The following TEX2 variants were observed in gnomAD, a reference collection of about 807,000 sequenced individuals.
TEX2 encodes the protein testis-expressed protein 2.
A neutral mutation model predicts 106.9 loss-of-function variants in TEX2; 53 were observed. That is an observed-to-expected ratio of 0.50 (90% CI 0.40 to 0.62). The LOEUF is 0.62. Ranked by LOEUF, TEX2 falls within the 20% of genes least tolerant of loss-of-function variation. The probability of loss-of-function intolerance (pLI) is 0.00; values close to 1 mark genes in which losing one functional copy is unlikely to be tolerated. For synonymous variants in TEX2, 523 were observed against 534.8 expected (o/e 0.98, Z 0.30); for missense variants, 1,207 against 1,379.0 (o/e 0.88, Z 1.98).
At chr17:64,221,941 A>T (rs2033369273) in intron 1 of TEX2, among the ~76,000 whole-genome samples, 1 of 152,238 alleles carries the variant, frequency 6.6e-6, no homozygotes. Context: ...GTATGATTCC[A>T]CTTACAAGAG....
rs528014758 is a variant in TEX2 at position 64,214,204 on chromosome 17, T to C, written c.14A>G (p.Tyr5Cys). Residue 5 changes from tyrosine (Y) to cysteine (C), a missense_variant, in exon 2 of 12, where the codon TAT (tyrosine) becomes TGT (cysteine). Around this residue, in one of 3 missense-constraint regions of TEX2, gnomAD observed 1,067 missense variants for 1,193.6 expected, o/e 0.89. Transcript: ENST00000584379. ...AGTGGTTTTCTCGGCATGGCGACCA[T>C]ACAGACTTGTCATTGCCGGCTTCAC... MTSL[Y>C]GRHAEKTTDM... 6.2e-7 allele frequency: 1 copy of C among 1,612,794 alleles called. No homozygotes were observed. Among genetic ancestry groups the C allele is most frequent in the African/African-American group, 1.3e-5 (1 of 75,032 alleles).
intron 11 of TEX2, 104 bp from the exon 12 acceptor site, chr17:64,149,195 A>T (rs1659130308): frequency 7.7e-7 from 1 of 1,300,908 alleles, no homozygotes; most frequent in African/African-American, 1.5e-5. Context: ...TTTTAAAAGT[A>T]CATATAAAAA....
chr17:64,177,884 C>T (rs2031678068), intron 5 of TEX2, among the ~76,000 whole-genome samples: 1 of 152,182 alleles, frequency 6.6e-6, no homozygotes, highest in Admixed American at 6.5e-5. Flanking sequence ...CGGGCAGACG[C>T]CACAGTTCCC....
chr17:64,247,440 C>T (rs1481157309), intron 1 of TEX2, among the ~76,000 whole-genome samples: 1 of 152,130 alleles, frequency 6.6e-6, no homozygotes, highest in African/African-American at 2.4e-5. Context: ...TATCCTGGCA[C>T]AGGACACCTG....
intron 1 of TEX2, among the ~76,000 whole-genome samples, chr17:64,229,425 T>G (rs1230772115): frequency 6.6e-6 from 1 of 152,248 alleles, no homozygotes; most frequent in Non-Finnish European, 1.5e-5. Flanking sequence ...TTATCAAGGA[T>G]AGTTAATACT....
intron 1 of TEX2, among the ~76,000 whole-genome samples, chr17:64,240,233 A>ATGTGTGTGTGTG (rs67965706): frequency 9.3e-4 from 137 of 147,414 alleles, no homozygotes; most frequent in African/African-American, 3.3e-3. Context: ...GTATATGCAG[A>ATGTGTGTGTGTG]TGTGTGTGTG....
chr17:64,186,115 G>T (rs1326624223), intron 5 of TEX2, among the ~76,000 whole-genome samples: 1 of 152,166 alleles, frequency 6.6e-6, no homozygotes, highest in Non-Finnish European at 1.5e-5. Context: ...AATCAGGTTT[G>T]TTTTTTAATT....
intron 8 of TEX2, among the ~76,000 whole-genome samples, chr17:64,160,592 G>A (rs553560376): frequency 4.2e-4 from 64 of 152,218 alleles, no homozygotes; most frequent in African/African-American, 1.5e-3. Context: ...GGTCAAAGGC[G>A]CTGTCACAGC....
At chr17:64,188,850 C>G (rs1240135558) in intron 4 of TEX2, among the ~76,000 whole-genome samples, 2 of 152,036 alleles carry the variant, frequency 1.3e-5, no homozygotes, top group Non-Finnish European at 2.9e-5. Flanking sequence ...AGTTTATTTC[C>G]CACCCTGAAA....
intron 1 of TEX2, among the ~76,000 whole-genome samples, chr17:64,244,579 C>T (rs2033952675): frequency 6.6e-6 from 1 of 152,192 alleles, no homozygotes; most frequent in Non-Finnish European, 1.5e-5. Flanking sequence ...TCCACAGAAA[C>T]TTTCCTCCCA....
Position 64,181,308 on chromosome 17 carries a change from T to C in TEX2, c.2425-3837A>G, listed in dbSNP as rs180895103. On this transcript the variant is annotated intron_variant, in intron 5 of 11. Transcript: ENST00000584379. Reference sequence around the variant, plus strand: ...TTGGCCAACATGGTGAAGTCCCGTCTCTACCAAAAATACAAAAATTAGCTG... The same window carrying C: ...TTGGCCAACATGGTGAAGTCCCGTCCCTACCAAAAATACAAAAATTAGCTG... Among the ~76,000 whole-genome samples, 18 of 151,830 alleles carry C rather than the reference T, an allele frequency of 1.2e-4. No individual in the cohort carries two copies. The East Asian group carries it at 3.1e-3, about 26-fold the overall frequency.
intron 2 of TEX2, among the ~76,000 whole-genome samples, chr17:64,202,422 C>T (rs1325981368): frequency 6.6e-6 from 1 of 152,226 alleles, no homozygotes; most frequent in African/African-American, 2.4e-5. Flanking sequence ...GACCTGAAAC[C>T]AGGTTGCTCT....
At chr17:64,247,495 T>C (rs1428894079) in intron 1 of TEX2, among the ~76,000 whole-genome samples, 2 of 151,686 alleles carry the variant, frequency 1.3e-5, no homozygotes, top group African/African-American at 2.4e-5. Flanking sequence ...AAAGGTCTTC[T>C]AGGATTTGAG....
At chr17:64,164,064 C>G (rs1016610002) in intron 7 of TEX2, among the ~76,000 whole-genome samples, 1 of 152,068 alleles carries the variant, frequency 6.6e-6, no homozygotes, top group Non-Finnish European at 1.5e-5. Context: ...GGCACGCATA[C>G]GAAGGGTCTA....
chr17:64,198,806 A>G (rs1201327140), intron 2 of TEX2, among the ~76,000 whole-genome samples: 1 of 152,232 alleles, frequency 6.6e-6, no homozygotes, highest in Non-Finnish European at 1.5e-5. Flanking sequence ...ATACATGTAC[A>G]AAAGCCAGTA....
At chr17:64,228,956 ACACACAC>A in intron 1 of TEX2, among the ~76,000 whole-genome samples, 1 of 151,442 alleles carries the variant, frequency 6.6e-6, no homozygotes, top group East Asian at 2.0e-4. Flanking sequence ...ACACACACAC[ACACACAC>A]ACACACACCT....
chr17:64,213,791 G>T lies in TEX2; in HGVS notation c.427C>A (p.Pro143Thr). The T allele has an allele frequency of 6.2e-7, 1 of 1,614,184 alleles. No homozygotes were observed. The highest frequency in any genetic ancestry group is 1.1e-5 in the South Asian group (1 of 91,082). The change falls in exon 2 of 12, where the codon CCC becomes ACC. Residue 143 changes from proline to threonine, a missense_variant. Pro to Thr is a conservative substitution (Grantham distance 38, BLOSUM62 -1). Around this residue, in one of 3 missense-constraint regions of TEX2, gnomAD observed 1,067 missense variants for 1,193.6 expected, o/e 0.89. Transcript: ENST00000584379. The surrounding 1 kb of genome is among the most constrained non-coding windows in gnomAD (Gnocchi z 4.4). The stretch of plus-strand genomic sequence containing the variant: ...GACACACTGGGAGAGCTAGCTAAGG[G>T]CCCCGACGAAGACGACCCTGGGGAC... ...AVSPGSSSSG[P>T]LASSPSVSSL...
intron 6 of TEX2, among the ~76,000 whole-genome samples, chr17:64,173,455 C>G (rs2143752575): frequency 6.6e-6 from 1 of 152,244 alleles, no homozygotes; most frequent in East Asian, 1.9e-4. Flanking sequence ...CTTGGCTGGA[C>G]CTCTTCAGCT....
chr17:64,256,649 C>T (rs1309734416), intron 1 of TEX2, among the ~76,000 whole-genome samples: 1 of 152,120 alleles, frequency 6.6e-6, no homozygotes, highest in Non-Finnish European at 1.5e-5. Flanking sequence ...ATGCATATGT[C>T]TATTGACTTG....
Sources: allele counts gnomAD v4.1 joint callset (sites outside exome capture counted in the v4.1 genomes callset), GRCh38; gene constraint gnomAD v4.1.1; regional missense constraint gnomAD v4.1.1; non-coding constraint Gnocchi (gnomAD v3.1); transcripts MANE v1.5; gene names NCBI Gene and HGNC (gene_info 2026-07-23, HGNC 2026-07-21).